KATNIP: variants seen among roughly 807,000 people sequenced by gnomAD.
The protein encoded by KATNIP is katanin interacting protein.
A neutral mutation model predicts 174.0 loss-of-function variants in KATNIP; 126 were observed. The ratio of observed to expected loss-of-function variants is 0.72; its 90% confidence interval spans 0.63 to 0.84. The LOEUF (loss-of-function observed/expected upper bound fraction) is 0.84. KATNIP is among the 40% of genes least tolerant of loss of function. The probability of loss-of-function intolerance (pLI) is 0.00; values close to 1 mark genes in which losing one functional copy is unlikely to be tolerated. For synonymous variants in KATNIP, 810 were observed against 835.7 expected (o/e 0.97, Z 0.53); for missense variants, 1,958 against 2,109.7 (o/e 0.93, Z 1.41).
intron 6 of KATNIP, among the ~76,000 whole-genome samples, chr16:27,655,112 AAGAG>A (rs1333391416): frequency 1.4e-5 from 2 of 146,012 alleles, no homozygotes; most frequent in African/African-American, 5.0e-5. Context: ...CTGGATGACA[AAGAG>A]AGAAGCTGTC....
intron 8 of KATNIP, among the ~76,000 whole-genome samples, chr16:27,682,368 C>T (rs76551344): frequency 0.022 from 3,335 of 152,288 alleles, 138 homozygotes; most frequent in African/African-American, 0.076. Context: ...AACTGAGGCA[C>T]ACAACGTGCA....
At position 27,600,596 on chromosome 16, in the gene KATNIP, G is replaced by A. The variant is rs533989734; in HGVS notation, c.64-17829G>A. Among the ~76,000 whole-genome samples the A allele has an allele frequency of 6.6e-5, 10 of 151,852 alleles. No individual in the cohort carries two copies. The East Asian group carries it at 1.6e-3, about 24-fold the overall frequency. On this transcript the variant is annotated intron_variant, in intron 2 of 27. Coordinates refer to ENST00000261588, the MANE Select transcript of KATNIP (RefSeq NM_015202.5). ...ACTCTTCCCTTCTGGCCCCTGCTCCGCCCTCCCCCATTCTCCTGGTGAGCT... is the reference window on the plus strand; with the variant it reads ...ACTCTTCCCTTCTGGCCCCTGCTCCACCCTCCCCCATTCTCCTGGTGAGCT...
At chr16:27,706,671 G>A (rs1443552329) in intron 12 of KATNIP, among the ~76,000 whole-genome samples, 1 of 152,152 alleles carries the variant, frequency 6.6e-6, no homozygotes, top group Non-Finnish European at 1.5e-5. Flanking sequence ...ATTTACGAAC[G>A]CAGCTGAGGA....
rs970093855 is a variant in KATNIP, at chr16:27,779,973, G to A, written c.*1344G>A. ...TTTTCATTTGGAGCACGGGGCTGATGTGAAGATAAGAATTGTTTCTCCTGG... is the reference window on the plus strand; with the variant it reads ...TTTTCATTTGGAGCACGGGGCTGATATGAAGATAAGAATTGTTTCTCCTGG... On this transcript the variant is annotated 3_prime_UTR_variant, in exon 28 of 28. Transcript: ENST00000261588. 5.3e-5 allele frequency: 8 copies of A among 152,326 alleles called. No individual in the cohort carries two copies. Among genetic ancestry groups the A allele is most frequent in the African/African-American group, 1.9e-4 (8 of 41,570 alleles). The allele number at this position is 152,326 out of a possible 1,614,324, so 9.4% of individuals were successfully genotyped here.
intron 2 of KATNIP, among the ~76,000 whole-genome samples, chr16:27,586,842 C>A (rs1384838693): frequency 2.7e-4 from 39 of 143,830 alleles, no homozygotes; most frequent in African/African-American, 6.0e-4. Context: ...AAAAAAAAAA[C>A]AAAAAAACAA....
rs985420618 is a variant in KATNIP at position 27,681,229 on chromosome 16, A to G, written c.809-170A>G. ...TGCTGGGCACACCATGACTCTCAGC[A>G]AACTTGTTTCGTCGCCTGCATTATT... On this transcript the variant is annotated intron_variant, in intron 7 of 27. Transcript: ENST00000261588. 5.0e-6 allele frequency: 4 copies of G among 802,030 alleles called. No homozygotes were observed. In the African/African-American group the frequency reaches 6.8e-5, roughly 14 times the overall value. 49.7% of individuals were successfully genotyped at this position (802,030 alleles called of 1,614,324 possible).
chr16:27,741,731 T>C (rs969082979), intron 15 of KATNIP, among the ~76,000 whole-genome samples: 2 of 152,114 alleles, frequency 1.3e-5, no homozygotes, highest in African/African-American at 4.8e-5. Flanking sequence ...GGTAAAACCC[T>C]GACTCTACTA....
intron 2 of KATNIP, among the ~76,000 whole-genome samples, chr16:27,609,652 A>C (rs1312204037): frequency 6.7e-6 from 1 of 149,644 alleles, no homozygotes; most frequent in Non-Finnish European, 1.5e-5. Context: ...AGCCTCCCAA[A>C]GTGCTGGGAT....
chr16:27,777,970 G>T lies in KATNIP; in HGVS notation c.4801+1G>T. 6.2e-7 allele frequency: 1 copy of T among 1,613,726 alleles called. No homozygotes were observed. The highest frequency in any genetic ancestry group is 1.1e-5 in the South Asian group (1 of 91,064). On this transcript the variant is annotated splice_donor_variant, in intron 27 of 27. Coordinates refer to ENST00000261588, the MANE Select transcript of KATNIP (RefSeq NM_015202.5). LOFTEE classifies it high-confidence loss of function. This position sits in a 1 kb window ranked among gnomAD's most constrained non-coding sequence, Gnocchi z 4.4. ...CGGAAGCAGAGCGTTGTTGACCCAG[G>T]TCAGTGGCGTTTCTCTGCCCAGAGC...
chr16:27,780,289 A>T lies in KATNIP; in HGVS notation c.*1660A>T, dbSNP rs909814442. On this transcript the variant is annotated 3_prime_UTR_variant, in exon 28 of 28. Coordinates refer to ENST00000261588, the MANE Select transcript of KATNIP (RefSeq NM_015202.5). ...ACTGTGCAATTTAGGAGGGGAAAAA[A>T]AGGCTGTACAAGCTTTAACTCTAAA... The T allele has an allele frequency of 6.6e-6, 1 of 152,242 alleles. No homozygotes were observed. Among genetic ancestry groups the T allele is most frequent in the Non-Finnish European group, 1.5e-5 (1 of 68,050 alleles). The allele number at this position is 152,242 out of a possible 1,614,324, so 9.4% of individuals were successfully genotyped here.
Position 27,777,825 on chromosome 16 carries a change from G to A in KATNIP, c.4712+55G>A. ...CCACCAGCCCTAAGGAGGATGGATG[G>A]CTGGGACACACGGCCAGGAGCCTGA... On this transcript the variant is annotated intron_variant, in intron 26 of 27. Coordinates refer to ENST00000261588, the MANE Select transcript of KATNIP (RefSeq NM_015202.5). The surrounding 1 kb of genome is among the most constrained non-coding windows in gnomAD (Gnocchi z 4.4). 2.5e-6 allele frequency: 4 copies of A among 1,613,450 alleles called. No homozygotes were observed. The highest frequency in any genetic ancestry group is 3.4e-6 in the Non-Finnish European group (4 of 1,179,422).
rs775992965 is a variant in KATNIP, at chr16:27,751,807, G to T, written c.3435G>T (p.Leu1145=). 1 of 1,614,230 alleles carries T rather than the reference G, an allele frequency of 6.2e-7. No homozygotes were observed. Among genetic ancestry groups the T allele is most frequent in the South Asian group, 1.1e-5 (1 of 91,090 alleles). ...AIFYSDEMFD[L]DVGSLDSLQD... is the part of the protein sequence containing the mutation. ...TCTATTCTGATGAGATGTTTGACCT[G>T]GATGTGGGGAGCCTGGACAGCCTGC... is the stretch of plus-strand genomic sequence containing the variant. Residue 1145 remains leucine, a synonymous_variant, in exon 17 of 28, where the codon CTG becomes CTT. Coordinates refer to ENST00000261588, the MANE Select transcript of KATNIP (RefSeq NM_015202.5).
At chr16:27,653,667 T>G (rs1361612065) in intron 6 of KATNIP, among the ~76,000 whole-genome samples, 1 of 152,062 alleles carries the variant, frequency 6.6e-6, no homozygotes, top group African/African-American at 2.4e-5. Flanking sequence ...TTTTTTTTTT[T>G]TTTCTTTTTG....
At chr16:27,772,983 G>T in intron 22 of KATNIP, 116 bp from the exon 23 acceptor site, 1 of 630,100 alleles carries the variant, frequency 1.6e-6, no homozygotes, top group Non-Finnish European at 2.8e-6. Flanking sequence ...AGAGAAAAAT[G>T]TTTTTCTCTC....
intron 2 of KATNIP, among the ~76,000 whole-genome samples, chr16:27,593,606 A>ATGAG (rs780297949): frequency 6.6e-6 from 1 of 151,442 alleles, no homozygotes; most frequent in Non-Finnish European, 1.5e-5. Flanking sequence ...ATCATAACTC[A>ATGAG]CTGCAGCCTC....
At chr16:27,577,710 A>G (rs771041638) in intron 2 of KATNIP, among the ~76,000 whole-genome samples, 43 of 151,972 alleles carry the variant, frequency 2.8e-4, no homozygotes, top group Admixed American at 1.2e-3. Context: ...GAAATGAAAT[A>G]AAATAAAATA....
At chr16:27,599,091 A>G (rs1596862614) in intron 2 of KATNIP, among the ~76,000 whole-genome samples, 1 of 152,108 alleles carries the variant, frequency 6.6e-6, no homozygotes, top group Non-Finnish European at 1.5e-5. Flanking sequence ...GCAGCCCAAC[A>G]CCTGCTGCCC....
chr16:27,763,435 T>G (rs1319170442), intron 19 of KATNIP, among the ~76,000 whole-genome samples: 1 of 132,878 alleles, frequency 7.5e-6, no homozygotes. Flanking sequence ...AGTGAGATTG[T>G]GTCTCTAAAA....
chr16:27,593,262 A>G (rs2075239892), intron 2 of KATNIP, among the ~76,000 whole-genome samples: 1 of 113,408 alleles, frequency 8.8e-6, no homozygotes. Context: ...TTTGTCTGAG[A>G]CGGAGTTTTG....
Sources: gnomAD v4.1 joint callset for allele counts (sites outside exome capture counted in the v4.1 genomes callset) on GRCh38, gnomAD v4.1.1 for gene constraint, Gnocchi (gnomAD v3.1) non-coding constraint, MANE v1.5 for transcripts, NCBI Gene and HGNC (gene_info 2026-07-23, HGNC 2026-07-21) for gene names.